EML4: variants seen among roughly 807,000 people sequenced by gnomAD.
EML4 encodes EMAP like 4.
Under a neutral mutation model 129.0 loss-of-function variants are expected in EML4, and 72 were observed. The ratio of observed to expected loss-of-function variants is 0.56; its 90% confidence interval spans 0.46 to 0.68. EML4 has a LOEUF of 0.68. Among genes scored for constraint, EML4 ranks in the 30% least tolerant of loss-of-function variants. EML4 has a pLI of 0.00. For synonymous variants in EML4, 532 were observed against 405.0 expected, an observed-to-expected ratio of 1.31 and a Z score of -3.77; for missense variants, 1,363 against 1,190.6, an observed-to-expected ratio of 1.14 and a Z score of -2.13.
At chr2:42,191,096 AAGAC>A (rs1671554538) in intron 1 of EML4, among the ~76,000 whole-genome samples, 1 of 152,222 alleles carries the variant, frequency 6.6e-6, no homozygotes, top group Non-Finnish European at 1.5e-5. Context: ...TTTAAATTGA[AAGAC>A]AAAGTGATTG....
intron 17 of EML4, among the ~76,000 whole-genome samples, chr2:42,309,249 T>TA (rs200410485): frequency 7.9e-4 from 113 of 143,774 alleles, no homozygotes; most frequent in African/African-American, 1.4e-3. Context: ...CTACAAAAAA[T>TA]AAAAAAAAAA....
At chr2:42,299,562 C>G (rs1427782106) in intron 13 of EML4, among the ~76,000 whole-genome samples, 1 of 152,200 alleles carries the variant, frequency 6.6e-6, no homozygotes, top group African/African-American at 2.4e-5. Context: ...CCCTCAGCCC[C>G]TAGGTAACCA....
chr2:42,269,939 G>T (rs1264043392), intron 6 of EML4, among the ~76,000 whole-genome samples: 2 of 152,128 alleles, frequency 1.3e-5, no homozygotes, highest in Non-Finnish European at 2.9e-5. Context: ...CTAGTTAGGG[G>T]TAAAATGACC....
chr2:42,325,047 A>C (rs983598703), intron 19 of EML4, among the ~76,000 whole-genome samples: 1 of 152,184 alleles, frequency 6.6e-6, no homozygotes, highest in Non-Finnish European at 1.5e-5. Flanking sequence ...TGGATAATTC[A>C]GAAGTAGCCC....
At chr2:42,281,682 C>T (rs555098305) in intron 7 of EML4, among the ~76,000 whole-genome samples, 3 of 152,308 alleles carry the variant, frequency 2.0e-5, no homozygotes, top group Admixed American at 6.5e-5. Flanking sequence ...ATCAGTTAAG[C>T]ATTTTGTAAC....
At chr2:42,258,774 A>C (rs1665520151) in intron 3 of EML4, among the ~76,000 whole-genome samples, 1 of 152,234 alleles carries the variant, frequency 6.6e-6, no homozygotes, top group African/African-American at 2.4e-5. Flanking sequence ...GTCTGAAGTC[A>C]GAAGTTATCA....
intron 17 of EML4, among the ~76,000 whole-genome samples, chr2:42,314,933 G>A (rs571102421): frequency 6.6e-6 from 1 of 152,346 alleles, no homozygotes; most frequent in East Asian, 1.9e-4. Context: ...TACGTCTCAA[G>A]AGGCATTTAC....
intron 6 of EML4, among the ~76,000 whole-genome samples, chr2:42,266,503 C>G (rs979303473): frequency 6.6e-6 from 1 of 151,782 alleles, no homozygotes; most frequent in Admixed American, 6.6e-5. Context: ...CACCACATAC[C>G]TGGCTGATTT....
rs1669228659 is a variant in EML4, at chr2:42,316,017, A to C, written c.2023A>C (p.Asn675His). 1 of 1,613,816 alleles carries C rather than the reference A, an allele frequency of 6.2e-7. No homozygotes were observed. ...TCTAGTTTCTATCCACACAGACGGG[A>C]ATGAACAGCTCTCTGTGATGCGCTA... Reference protein sequence around the residue: ...RDLVSIHTDGNEQLSVMRYSI... With the variant: ...RDLVSIHTDGHEQLSVMRYSI... Residue 675 changes from asparagine to histidine, a missense_variant, in exon 18 of 23, where the codon AAT becomes CAT. Physicochemically the swap from Asn to His is moderately conservative, Grantham distance 68. Transcript: ENST00000318522.
chr2:42,311,535 T>C (rs1401970407), intron 17 of EML4, among the ~76,000 whole-genome samples: 1 of 151,476 alleles, frequency 6.6e-6, no homozygotes, highest in Non-Finnish European at 1.5e-5. Context: ...AGCGAGACCC[T>C]GTCTCAAAAA....
intron 1 of EML4, among the ~76,000 whole-genome samples, chr2:42,238,672 C>T (rs1161734818): frequency 1.3e-5 from 2 of 151,718 alleles, no homozygotes; most frequent in African/African-American, 2.4e-5. Context: ...GGCTGGAGTG[C>T]AAGGGTGCAG....
chr2:42,229,640 G>A (rs1218491108), intron 1 of EML4, among the ~76,000 whole-genome samples: 1 of 152,106 alleles, frequency 6.6e-6, no homozygotes, highest in Non-Finnish European at 1.5e-5. Context: ...AGAGGAATCA[G>A]GGAGGGAAGT....
intron 6 of EML4, among the ~76,000 whole-genome samples, chr2:42,267,893 C>T (rs576323224): frequency 6.6e-6 from 1 of 152,116 alleles, no homozygotes; most frequent in Non-Finnish European, 1.5e-5. Context: ...TGAATAAGTT[C>T]CATGTAGGAC....
At chr2:42,259,339 C>A (rs1665561983) in intron 3 of EML4, among the ~76,000 whole-genome samples, 1 of 151,988 alleles carries the variant, frequency 6.6e-6, no homozygotes, top group South Asian at 2.1e-4. Context: ...AGTCTTGATT[C>A]CATCAGCTTT....
At chr2:42,274,887 C>T (rs1262325972) in intron 6 of EML4, among the ~76,000 whole-genome samples, 1 of 152,118 alleles carries the variant, frequency 6.6e-6, no homozygotes, top group East Asian at 1.9e-4. Context: ...TCAAGTATTT[C>T]AATTTTTTGC....
intron 3 of EML4, among the ~76,000 whole-genome samples, chr2:42,258,474 C>G (rs1665493404): frequency 6.6e-6 from 1 of 152,044 alleles, no homozygotes; most frequent in Non-Finnish European, 1.5e-5. Context: ...AATCTCGGCT[C>G]ACCGCAACCT....
At chr2:42,326,278 G>T in intron 21 of EML4, 26 bp downstream of exon 21, 1 of 1,528,022 alleles carries the variant, frequency 6.5e-7, no homozygotes, top group Non-Finnish European at 9.0e-7. Flanking sequence ...CTGATGTAAA[G>T]AAGTGGTTTG....
intron 1 of EML4, among the ~76,000 whole-genome samples, chr2:42,205,267 G>C (rs1672475739): frequency 6.6e-6 from 1 of 152,140 alleles, no homozygotes; most frequent in African/African-American, 2.4e-5. Context: ...TTCCAGATGT[G>C]ATCACTGATA....
chr2:42,178,836 C>G (rs1015639891), intron 1 of EML4, among the ~76,000 whole-genome samples: 5 of 152,144 alleles, frequency 3.3e-5, no homozygotes, highest in African/African-American at 1.2e-4. Context: ...GCACTTACAC[C>G]TAAGGGATCT....
Sources: allele counts gnomAD v4.1 joint callset (sites outside exome capture counted in the v4.1 genomes callset), GRCh38; gene constraint gnomAD v4.1.1; transcripts MANE v1.5; gene names NCBI Gene and HGNC (gene_info 2026-07-23, HGNC 2026-07-21).